Variants in PRELID2 observed in about 807,000 individuals in gnomAD.
The protein encoded by PRELID2 is PRELI domain containing 2.
PRELID2 carries 25 observed loss-of-function variants against 28.4 expected under a neutral mutation model. The ratio of observed to expected loss-of-function variants is 0.88; its 90% CI spans 0.64 to 1.23. PRELID2 has a LOEUF of 1.23. PRELID2 is among the 50% of genes most tolerant of loss of function. The pLI is 0.00. For synonymous variants in PRELID2, 76 were observed against 71.6 expected (o/e 1.06, Z -0.31); for missense variants, 201 against 214.4 (o/e 0.94, Z 0.39).
At chr5:145,415,725 G>C in the PRELID2 span, among the ~76,000 whole-genome samples, 2 of 151,612 alleles carry the variant, frequency 1.3e-5, no homozygotes. Context: ...ATTGTGAATA[G>C]TGCCACAATA....
At chr5:145,407,747 G>A in the PRELID2 span, among the ~76,000 whole-genome samples, 1 of 152,208 alleles carries the variant, frequency 6.6e-6, no homozygotes, top group Non-Finnish European at 1.5e-5. Flanking sequence ...TCCAACAAAG[G>A]AGAAAACAAC....
chr5:145,243,397 T>G, the PRELID2 span, among the ~76,000 whole-genome samples: 5 of 151,962 alleles, frequency 3.3e-5, no homozygotes, highest in Non-Finnish European at 5.9e-5. Flanking sequence ...GAAAAGGGAA[T>G]GATAAAACTA....
chr5:145,516,608 G>T (rs1283798413), intron 1 of PRELID2, among the ~76,000 whole-genome samples: 1 of 152,056 alleles, frequency 6.6e-6, no homozygotes, highest in Non-Finnish European at 1.5e-5. Flanking sequence ...AGCTACCATT[G>T]ACTTTCTTTA....
chr5:145,315,934 A>G, the PRELID2 span, among the ~76,000 whole-genome samples: 1 of 152,176 alleles, frequency 6.6e-6, no homozygotes, highest in Non-Finnish European at 1.5e-5. Context: ...AAATATACTC[A>G]AAACTCATAA....
the PRELID2 span, chr5:145,337,882 C>G: frequency 3.3e-5 from 5 of 151,334 alleles, no homozygotes; most frequent in South Asian, 2.1e-4. Context: ...GTTCACCAAC[C>G]TGGAAGCTTC....
intron 1 of PRELID2, among the ~76,000 whole-genome samples, chr5:145,672,660 T>C (rs4509079): frequency 0.21 from 31,653 of 151,964 alleles, 6,039 homozygotes; most frequent in African/African-American, 0.5. Flanking sequence ...TTAAAAGAAC[T>C]AAAAATTAGA....
At chr5:145,243,607 C>T in the PRELID2 span, among the ~76,000 whole-genome samples, 5 of 152,036 alleles carry the variant, frequency 3.3e-5, no homozygotes, top group East Asian at 9.7e-4. Flanking sequence ...TCATCATCCT[C>T]ATCATTATTC....
At chr5:145,791,994 G>T (rs896801347) in intron 5 of PRELID2, among the ~76,000 whole-genome samples, 2 of 152,128 alleles carry the variant, frequency 1.3e-5, no homozygotes, top group African/African-American at 4.8e-5. Context: ...CCCCTCATAG[G>T]CCGTTTCAAG....
chr5:145,643,647 G>T (rs762889589), intron 1 of PRELID2, among the ~76,000 whole-genome samples: 1 of 152,134 alleles, frequency 6.6e-6, no homozygotes, highest in Non-Finnish European at 1.5e-5. Context: ...TTGACTGTGG[G>T]TTTGTCATAA....
At chr5:145,300,330 A>G in the PRELID2 span, among the ~76,000 whole-genome samples, 2 of 152,136 alleles carry the variant, frequency 1.3e-5, no homozygotes, top group East Asian at 1.9e-4. Context: ...ATAGAAAGTA[A>G]TACATTTTAA....
At chr5:145,380,905 T>C in the PRELID2 span, among the ~76,000 whole-genome samples, 1 of 152,298 alleles carries the variant, frequency 6.6e-6, no homozygotes, top group African/African-American at 2.4e-5. Flanking sequence ...TAAAAAACTA[T>C]GGGACACAGG....
chr5:145,269,850 T>C, the PRELID2 span, among the ~76,000 whole-genome samples: 1 of 148,378 alleles, frequency 6.7e-6, no homozygotes, highest in East Asian at 2.0e-4. Context: ...ACTGAGAAAT[T>C]CAATTTTATA....
the PRELID2 span, among the ~76,000 whole-genome samples, chr5:145,333,220 G>A: frequency 2.6e-5 from 4 of 152,156 alleles, no homozygotes; most frequent in Non-Finnish European, 4.4e-5. Flanking sequence ...CTGCTGGGAG[G>A]TGTCTCCCAG....
intron 1 of PRELID2, among the ~76,000 whole-genome samples, chr5:145,606,074 T>C (rs552464722): frequency 2.6e-5 from 4 of 152,202 alleles, no homozygotes; most frequent in African/African-American, 7.2e-5. Flanking sequence ...AGCTTGGACA[T>C]TGTTGATATA....
chr5:145,334,503 C>A, the PRELID2 span, among the ~76,000 whole-genome samples: 2 of 152,040 alleles, frequency 1.3e-5, no homozygotes, highest in Non-Finnish European at 2.9e-5. Context: ...GTTTACACAC[C>A]ATCCTTACAA....
At chr5:145,335,162 C>G in the PRELID2 span, among the ~76,000 whole-genome samples, 2 of 151,892 alleles carry the variant, frequency 1.3e-5, no homozygotes, top group Non-Finnish European at 2.9e-5. Flanking sequence ...TTCCTTCACT[C>G]TTTTCTTTTT....
chr5:145,548,710 T>C (rs774359177), intron 1 of PRELID2, among the ~76,000 whole-genome samples: 5 of 152,198 alleles, frequency 3.3e-5, no homozygotes, highest in Non-Finnish European at 5.9e-5. Flanking sequence ...TGTGATTGCA[T>C]CTGAGCTCTT....
At chr5:145,256,917 A>T in the PRELID2 span, among the ~76,000 whole-genome samples, 1 of 149,802 alleles carries the variant, frequency 6.7e-6, no homozygotes, top group African/African-American at 2.5e-5. Context: ...AATGAAGATA[A>T]TTTTTTTTTT....
chr5:145,421,595 T>C, the PRELID2 span, among the ~76,000 whole-genome samples: 3 of 139,560 alleles, frequency 2.1e-5, no homozygotes, highest in African/African-American at 7.9e-5. Flanking sequence ...TTTATCATTT[T>C]TTATTGCGTC....
Sources: gnomAD v4.1 joint callset for allele counts (sites outside exome capture counted in the v4.1 genomes callset) on GRCh38, gnomAD v4.1.1 for gene constraint, MANE v1.5 for transcripts, NCBI Gene and HGNC (gene_info 2026-07-23, HGNC 2026-07-21) for gene names.